The following DMD variants were observed in gnomAD, a reference collection of about 807,000 sequenced individuals.
DMD encodes mutant dystrophin.
DMD carries 63 observed loss-of-function variants against 330.1 expected under a neutral mutation model. The ratio of observed to expected loss-of-function variants is 0.19; its 90% confidence interval spans 0.16 to 0.24. The LOEUF is 0.24. Ranked by LOEUF, DMD falls within the 10% of genes least tolerant of loss-of-function variation. DMD has a pLI of 1.00. For synonymous variants in DMD, 1,223 were observed against 959.8 expected (o/e 1.27, Z -5.07); for missense variants, 3,344 against 2,684.1 (o/e 1.25, Z -5.43).
rs762318703 is a variant in DMD at position 31,798,107 on chromosome X, G to T, written c.7309+21868C>A. 2.7e-5 allele frequency among the ~76,000 whole-genome samples: 3 copies of T among 111,751 alleles called. No homozygotes were observed. The South Asian group carries it at 1.1e-3, about 42-fold the overall frequency. ...TGACATTCAAATTGTAAAATATATC[G>T]GGTTGAATGACAAAATTACTTCATC... On this transcript the variant is annotated intron_variant, in intron 50 of 78. Transcript: ENST00000357033.
At chrX:32,523,269 C>T (rs1343742723) in intron 17 of DMD, among the ~76,000 whole-genome samples, 1 of 111,515 alleles carries the variant, frequency 9.0e-6, no homozygotes, top group Non-Finnish European at 1.9e-5. Context: ...ACCTTCTCCT[C>T]CCCTCCTGTC....
intron 60 of DMD, among the ~76,000 whole-genome samples, chrX:31,356,924 CTTTT>C (rs58097229): frequency 0.32 from 23,790 of 74,188 alleles, 2,764 homozygotes; most frequent in East Asian, 0.55. Flanking sequence ...TTTCTTCTGC[CTTTT>C]TTTTTTTTTT....
chrX:31,301,632 T>G (rs1054153822), intron 62 of DMD, among the ~76,000 whole-genome samples: 6 of 112,405 alleles, frequency 5.3e-5, no homozygotes, highest in Admixed American at 3.7e-4. Flanking sequence ...CAATTTGACA[T>G]GACATTTGGG....
At chrX:31,592,618 C>T (rs1201474450) in intron 55 of DMD, among the ~76,000 whole-genome samples, 1 of 109,647 alleles carries the variant, frequency 9.1e-6, no homozygotes, top group African/African-American at 3.3e-5. Context: ...ACTTCGATTA[C>T]GTTTGCTGAA....
At position 31,209,480 on chromosome X, in the gene DMD, A is replaced by T. The variant is rs1427353689; in HGVS notation, c.9563+18T>A. On this transcript the variant is annotated intron_variant, in intron 65 of 78. Transcript: ENST00000357033. ...CTCCTGTGACAGAGCCCGGGAAATA[A>T]AAACATGCCATACGTACGTATCATA... The T allele has an allele frequency of 8.3e-7, 1 of 1,206,764 alleles. No homozygotes were observed. The highest frequency in any genetic ancestry group is 2.3e-4 in the Middle Eastern group (1 of 4,336).
chrX:31,351,838 A>G (rs979555622), intron 60 of DMD, among the ~76,000 whole-genome samples: 2 of 110,116 alleles, frequency 1.8e-5, no homozygotes, highest in African/African-American at 6.6e-5. Flanking sequence ...GCATGACAAT[A>G]TGAATTATGT....
At chrX:32,799,304 T>C (rs1489150341) in intron 7 of DMD, among the ~76,000 whole-genome samples, 1 of 111,677 alleles carries the variant, frequency 9.0e-6, no homozygotes, top group South Asian at 3.7e-4. Flanking sequence ...AAATGTCATT[T>C]TGAGGATACA....
At chrX:32,580,948 T>A (rs1465346327) in intron 13 of DMD, among the ~76,000 whole-genome samples, 3 of 110,844 alleles carry the variant, frequency 2.7e-5, no homozygotes, top group African/African-American at 9.9e-5. Flanking sequence ...TGCCTCAGTT[T>A]CCCAAGTAGC....
intron 29 of DMD, among the ~76,000 whole-genome samples, chrX:32,413,887 A>T (rs1220701032): frequency 9.2e-6 from 1 of 108,580 alleles, no homozygotes; most frequent in African/African-American, 3.4e-5. Context: ...TGCCTGGCGA[A>T]TTTTTGTATT....
chrX:33,009,588 GTA>G (rs1216482060), intron 2 of DMD, among the ~76,000 whole-genome samples: 2 of 43,371 alleles, frequency 4.6e-5, no homozygotes, highest in African/African-American at 7.2e-5. Flanking sequence ...ACATATGTGT[GTA>G]TGTGTGTATG....
intron 61 of DMD, among the ~76,000 whole-genome samples, chrX:31,346,961 A>G (rs1018947113): frequency 2.3e-5 from 2 of 87,011 alleles, no homozygotes; most frequent in Admixed American, 1.5e-4. Context: ...AGATCACGCC[A>G]CTGCACTCAC....
At chrX:31,703,192 T>C (rs1237144733) in intron 52 of DMD, among the ~76,000 whole-genome samples, 1 of 111,776 alleles carries the variant, frequency 8.9e-6, no homozygotes, top group Admixed American at 9.5e-5. Context: ...CCCACACTGC[T>C]TTCAGGATAG....
chrX:32,645,765 T>C (rs2059742764), intron 9 of DMD, among the ~76,000 whole-genome samples: 2 of 112,341 alleles, frequency 1.8e-5, no homozygotes, highest in African/African-American at 6.5e-5. Context: ...TAGTAAGACA[T>C]TATCTTAGAA....
chrX:32,356,796 G>A (rs1175439962), intron 37 of DMD, among the ~76,000 whole-genome samples: 2 of 111,728 alleles, frequency 1.8e-5, no homozygotes, highest in Non-Finnish European at 3.8e-5. Context: ...TTATTAATAT[G>A]ACACACCTAA....
intron 56 of DMD, among the ~76,000 whole-genome samples, chrX:31,501,151 G>C (rs2070382289): frequency 8.9e-6 from 1 of 112,308 alleles, no homozygotes; most frequent in Non-Finnish European, 1.9e-5. Flanking sequence ...CTATGCCCAA[G>C]TAAGGCAAAT....
intron 7 of DMD, among the ~76,000 whole-genome samples, chrX:32,722,980 G>A (rs1330109953): frequency 2.7e-5 from 3 of 110,872 alleles, no homozygotes; most frequent in Non-Finnish European, 5.7e-5. Context: ...GAAGTGGTAA[G>A]AGTGGGCATC....
intron 12 of DMD, among the ~76,000 whole-genome samples, chrX:32,603,933 G>C (rs755166357): frequency 2.7e-5 from 3 of 111,047 alleles, no homozygotes; most frequent in African/African-American, 6.5e-5. Flanking sequence ...GCAAAGAACT[G>C]GTACCAATCC....
chrX:33,089,327 G>C (rs1295505220), intron 1 of DMD, among the ~76,000 whole-genome samples: 1 of 110,961 alleles, frequency 9.0e-6, no homozygotes, highest in East Asian at 2.8e-4. Context: ...GCCTCCCAAA[G>C]TGTTAGGATT....
intron 1 of DMD, among the ~76,000 whole-genome samples, chrX:33,100,658 T>A (rs921118643): frequency 2.5e-4 from 28 of 111,384 alleles, no homozygotes; most frequent in African/African-American, 9.2e-4. Context: ...ACAGTTGCCC[T>A]CTAGCCTGGG....
Sources: gnomAD v4.1 joint callset for allele counts (sites outside exome capture counted in the v4.1 genomes callset) on GRCh38, gnomAD v4.1.1 for gene constraint, MANE v1.5 for transcripts, NCBI Gene and HGNC (gene_info 2026-07-23, HGNC 2026-07-21) for gene names.